The following SAMD3 variants were observed in gnomAD, a reference collection of about 807,000 sequenced individuals.
The protein encoded by SAMD3 is sterile alpha motif domain containing 3, also known as sterile alpha motif domain-containing protein 3.
Under a neutral mutation model 58.5 loss-of-function variants are expected in SAMD3, and 63 were observed. The ratio of observed to expected loss-of-function variants is 1.08; its 90% confidence interval spans 0.88 to 1.33. The LOEUF is 1.33. Among genes scored for constraint, SAMD3 ranks in the 40% most tolerant of loss-of-function variants. The pLI, the probability that SAMD3 is intolerant of heterozygous loss-of-function variation, is 0.00. For missense variants in SAMD3, 604 were observed against 608.4 expected, an observed-to-expected ratio of 0.99 and a Z score of 0.08; for synonymous variants, 220 against 210.3, an observed-to-expected ratio of 1.05 and a Z score of -0.40.
chr6:130,360,938 C>T (rs559763309), intron 1 of SAMD3, among the ~76,000 whole-genome samples: 29 of 152,152 alleles, frequency 1.9e-4, no homozygotes, highest in East Asian at 1.2e-3. Context: ...CTGTCCCGCC[C>T]GGCTCACTGG....
intron 2 of SAMD3, among the ~76,000 whole-genome samples, chr6:130,275,870 C>T (rs998620151): frequency 3.9e-5 from 6 of 152,016 alleles, no homozygotes; most frequent in South Asian, 2.1e-4. Context: ...TGACCTTGCT[C>T]GGACATCTTT....
At chr6:130,287,625 A>T (rs1775203874) in intron 2 of SAMD3, among the ~76,000 whole-genome samples, 1 of 152,116 alleles carries the variant, frequency 6.6e-6, no homozygotes, top group South Asian at 2.1e-4. Context: ...TTATGAAGAG[A>T]TCCTCTAGAA....
intron 2 of SAMD3, among the ~76,000 whole-genome samples, chr6:130,240,770 T>A (rs1773328127): frequency 6.6e-6 from 1 of 152,166 alleles, no homozygotes; most frequent in Admixed American, 6.5e-5. Flanking sequence ...TCCCTTGCCC[T>A]TCCACCATGT....
At chr6:130,179,505 A>C (rs912306246) in intron 7 of SAMD3, among the ~76,000 whole-genome samples, 1 of 152,070 alleles carries the variant, frequency 6.6e-6, no homozygotes, top group Non-Finnish European at 1.5e-5. Flanking sequence ...TTGCACATTC[A>C]AATGCAGAAT....
At chr6:130,203,582 G>A (rs1461830666) in intron 5 of SAMD3, among the ~76,000 whole-genome samples, 1 of 152,182 alleles carries the variant, frequency 6.6e-6, no homozygotes, top group African/African-American at 2.4e-5. Context: ...TTCCTACAAG[G>A]CTCTTTCATT....
At chr6:130,218,149 G>A in intron 1 of SAMD3, among the ~76,000 whole-genome samples, 1 of 152,210 alleles carries the variant, frequency 6.6e-6, no homozygotes, top group East Asian at 1.9e-4. Flanking sequence ...CAGACACTTT[G>A]AAGGGTCAGA....
At chr6:130,269,335 T>C (rs1385621564) in intron 2 of SAMD3, among the ~76,000 whole-genome samples, 1 of 152,152 alleles carries the variant, frequency 6.6e-6, no homozygotes, top group Admixed American at 6.5e-5. Flanking sequence ...AGTGAAACCA[T>C]TTGGGGCTGG....
chr6:130,195,960 T>C (rs1440325724), intron 5 of SAMD3, among the ~76,000 whole-genome samples: 1 of 152,094 alleles, frequency 6.6e-6, no homozygotes, highest in Admixed American at 6.5e-5. Flanking sequence ...AGATCCTAAA[T>C]CCTTTCCCCA....
At chr6:130,150,619 TTAGG>T (rs1200567172) in intron 9 of SAMD3, among the ~76,000 whole-genome samples, 1 of 152,196 alleles carries the variant, frequency 6.6e-6, no homozygotes, top group African/African-American at 2.4e-5. Flanking sequence ...TGGCTCAAAC[TTAGG>T]CATGGTTCTC....
rs530652130 is a variant in SAMD3, at chr6:130,329,209, C to T, written c.-303-16116G>A. Among the ~76,000 whole-genome samples the T allele has an allele frequency of 3.3e-5, 5 of 151,322 alleles. No homozygotes were observed. In the South Asian group the frequency reaches 1.0e-3, roughly 32 times the overall value. ...TTTGGTATGGTGGCTACCATCATTA[C>T]CACTGCCTTTTTTATAGTAGCTAAA... On this transcript the variant is annotated intron_variant, in intron 1 of 13. Transcript: ENST00000368134.
chr6:130,259,830 A>G (rs1026277674), intron 2 of SAMD3, among the ~76,000 whole-genome samples: 8 of 152,202 alleles, frequency 5.3e-5, no homozygotes, highest in Admixed American at 2.6e-4. Context: ...CTTTAGTACA[A>G]TGCTAAAAAC....
At chr6:130,308,385 A>ATTCT (rs1776000751) in intron 2 of SAMD3, among the ~76,000 whole-genome samples, 5 of 139,758 alleles carry the variant, frequency 3.6e-5, no homozygotes, top group Non-Finnish European at 4.5e-5. Flanking sequence ...ATTCTATTCT[A>ATTCT]TTCTATTCTA....
intron 2 of SAMD3, among the ~76,000 whole-genome samples, chr6:130,238,919 T>A (rs1246270707): frequency 6.6e-6 from 1 of 151,978 alleles, no homozygotes; most frequent in Non-Finnish European, 1.5e-5. Flanking sequence ...CCACCACACC[T>A]GGCTAATTTT....
chr6:130,317,500 C>A (rs146527493), intron 1 of SAMD3, among the ~76,000 whole-genome samples: 212 of 152,164 alleles, frequency 1.4e-3, no homozygotes, highest in Middle Eastern at 0.01. Context: ...GTGATAAATG[C>A]TGTAATAGGG....
upstream of SAMD3, chr6:130,365,465 C>T (rs1778111723): frequency 2.0e-6 from 2 of 985,572 alleles, no homozygotes; most frequent in Middle Eastern, 5.2e-4. Context: ...GCCCGCGCAG[C>T]CCGCCAGGGG....
In SAMD3 at chr6:130,350,111, T is replaced by C. The variant is rs975193853; in HGVS notation, c.-304+15009A>G. On this transcript the variant is annotated intron_variant, in intron 1 of 13. Transcript: ENST00000368134. Reference sequence around the variant, plus strand: ...CTATCTATGACAAACCCACAGCCAATATCATACTGAATGGACAAAAACTGG... The same window carrying C: ...CTATCTATGACAAACCCACAGCCAACATCATACTGAATGGACAAAAACTGG... 5.9e-4 allele frequency among the ~76,000 whole-genome samples: 90 copies of C among 152,256 alleles called. 1 individual carries two copies. The highest frequency in any genetic ancestry group is 2.0e-3 in the African/African-American group (84 of 41,542).
chr6:130,182,794 C>A (rs1792495276), intron 7 of SAMD3, among the ~76,000 whole-genome samples: 1 of 152,132 alleles, frequency 6.6e-6, no homozygotes, highest in African/African-American at 2.4e-5. Context: ...CTTAAGAAAG[C>A]ACAGCAAAAA....
chr6:130,220,145 AC>A (rs1796158086), intron 1 of SAMD3, among the ~76,000 whole-genome samples: 1 of 151,946 alleles, frequency 6.6e-6, no homozygotes, highest in South Asian at 2.1e-4. Context: ...GGGATTACAG[AC>A]GCGTGCCACC....
At chr6:130,226,806 C>T (rs532499129), upstream of SAMD3, among the ~76,000 whole-genome samples, 7 of 151,608 alleles carry the variant, frequency 4.6e-5, no homozygotes, top group South Asian at 8.3e-4. Flanking sequence ...CCAGCCTGGG[C>T]GATAAGAGCG....
Sources: gnomAD v4.1 joint callset for allele counts (sites outside exome capture counted in the v4.1 genomes callset) on GRCh38, gnomAD v4.1.1 for gene constraint, MANE v1.5 for transcripts, NCBI Gene and HGNC (gene_info 2026-07-23, HGNC 2026-07-21) for gene names.